Variants in FTO observed in about 807,000 individuals in gnomAD.
The protein encoded by FTO is alpha-ketoglutarate-dependent dioxygenase FTO.
In FTO, 47 loss-of-function variants were observed where a neutral mutation model predicts 63.9. That is an observed-to-expected ratio of 0.74 (90% CI 0.58 to 0.94). The LOEUF is 0.94. Among genes scored for constraint, FTO ranks in the 40% least tolerant of loss-of-function variants. FTO has a pLI of 0.00. For missense variants in FTO, 562 were observed against 618.1 expected (o/e 0.91, Z 0.96); for synonymous variants, 207 against 224.4 (o/e 0.92, Z 0.69).
At chr16:53,759,408 T>C (rs1022700077) in intron 1 of FTO, among the ~76,000 whole-genome samples, 4 of 151,962 alleles carry the variant, frequency 2.6e-5, no homozygotes, top group Admixed American at 2.6e-4. Context: ...AAAGAAATAA[T>C]ACAGGCTGGG....
At chr16:54,049,700 A>T (rs1272984686) in intron 8 of FTO, among the ~76,000 whole-genome samples, 1 of 152,178 alleles carries the variant, frequency 6.6e-6, no homozygotes, top group Non-Finnish European at 1.5e-5. Flanking sequence ...CCTCCCCTGG[A>T]GCTGCCCCTC....
At chr16:53,789,864 G>GTA (rs200847717) in intron 1 of FTO, among the ~76,000 whole-genome samples, 5 of 42,904 alleles carry the variant, frequency 1.2e-4, no homozygotes, top group East Asian at 7.0e-4. Context: ...ATAAATGTAT[G>GTA]TATATATATA....
intron 2 of FTO, among the ~76,000 whole-genome samples, chr16:53,815,206 C>T (rs1375419888): frequency 2.6e-5 from 4 of 152,058 alleles, no homozygotes; most frequent in East Asian, 1.9e-4. Flanking sequence ...TGGAGCAAAG[C>T]GTGACAGGAT....
At chr16:53,901,635 C>G (rs998839564) in intron 7 of FTO, among the ~76,000 whole-genome samples, 3 of 152,136 alleles carry the variant, frequency 2.0e-5, no homozygotes, top group Admixed American at 2.0e-4. Flanking sequence ...TGCCATTGCA[C>G]TTCAGCTTGT....
At position 53,879,914 on chromosome 16, in the gene FTO, T is replaced by C. The variant is rs976522662; in HGVS notation, c.1046T>C (p.Val349Ala). 6.2e-7 allele frequency: 1 copy of C among 1,613,992 alleles called. No individual in the cohort carries two copies. The highest frequency in any genetic ancestry group is 8.5e-7 in the Non-Finnish European group (1 of 1,179,884). ...QLALQNVCDDVDNDDVSLKSF... is the reference protein window; with the variant it reads ...QLALQNVCDDADNDDVSLKSF... Reference sequence around the variant, plus strand: ...GCTCTGCAGAATGTCTGTGACGATGTGGACAATGATGATGTCTCTTTGAAA... The same window carrying C: ...GCTCTGCAGAATGTCTGTGACGATGCGGACAATGATGATGTCTCTTTGAAA... Residue 349 changes from valine to alanine, a missense_variant, in exon 6 of 9, where the codon GTG becomes GCG. Physicochemically the swap from Val to Ala is moderately conservative, Grantham distance 64. Coordinates refer to ENST00000471389, the MANE Select transcript of FTO (RefSeq NM_001080432.3).
chr16:53,825,712 G>A (rs920864788), intron 2 of FTO, 152 bp from the exon 3 acceptor site: 1 of 807,980 alleles, frequency 1.2e-6, no homozygotes, highest in Non-Finnish European at 2.0e-6. Flanking sequence ...TTGGTTTTCT[G>A]TTTTGGGCTA....
chr16:53,848,265 C>T (rs1175382545), intron 4 of FTO, among the ~76,000 whole-genome samples: 3 of 152,162 alleles, frequency 2.0e-5, no homozygotes, highest in Non-Finnish European at 4.4e-5. Flanking sequence ...ATCTGAACTT[C>T]ATAGCACTTA....
Position 53,789,421 on chromosome 16 carries a change from C to T in FTO, c.46-20719C>T, listed in dbSNP as rs144266935. ...CATTCTCAGCCTAGAAAAACTTGACCGTTCTCTTGGAATTTGGTGAAAGTT... is the reference window on the plus strand; with the variant it reads ...CATTCTCAGCCTAGAAAAACTTGACTGTTCTCTTGGAATTTGGTGAAAGTT... On this transcript the variant is annotated intron_variant, in intron 1 of 8. Coordinates refer to ENST00000471389, the MANE Select transcript of FTO (RefSeq NM_001080432.3). 1.2e-3 allele frequency among the ~76,000 whole-genome samples: 176 copies of T among 152,194 alleles called. 2 individuals carry two copies. Among genetic ancestry groups the T allele is most frequent in the Middle Eastern group, 0.01 (3 of 294 alleles).
At position 53,996,198 on chromosome 16, in the gene FTO, C is replaced by G. The variant is rs1172996781; in HGVS notation, c.1364+62089C>G. ...AGACTTCTGGTTCAATAAGAAGCAC[C>G]CCGATGGTTTCATCTTTTGACGGTT... is the stretch of plus-strand genomic sequence containing the variant. On this transcript the variant is annotated intron_variant, in intron 8 of 8. Transcript: ENST00000471389. Among the ~76,000 whole-genome samples the G allele has an allele frequency of 2.0e-5, 3 of 152,278 alleles. No individual in the cohort carries two copies. In the East Asian group the frequency reaches 5.8e-4, roughly 29 times the overall value.
intron 8 of FTO, among the ~76,000 whole-genome samples, chr16:54,104,496 A>G (rs1221473330): frequency 6.6e-6 from 1 of 152,000 alleles, no homozygotes; most frequent in African/African-American, 2.4e-5. Flanking sequence ...TATTTTTAGT[A>G]GAGACAGGGT....
chr16:53,826,930 C>T (rs1049108519), intron 3 of FTO, among the ~76,000 whole-genome samples: 1 of 152,186 alleles, frequency 6.6e-6, no homozygotes, highest in African/African-American at 2.4e-5. Context: ...CATTTCCAGA[C>T]CTGCCAAAAT....
At chr16:54,009,687 G>A (rs2084293631) in intron 8 of FTO, among the ~76,000 whole-genome samples, 1 of 152,112 alleles carries the variant, frequency 6.6e-6, no homozygotes, top group Admixed American at 6.6e-5. Context: ...GCCAATAGTA[G>A]TTGCCAGCAC....
At chr16:53,977,991 G>A (rs2083465186) in intron 8 of FTO, among the ~76,000 whole-genome samples, 1 of 152,082 alleles carries the variant, frequency 6.6e-6, no homozygotes, top group African/African-American at 2.4e-5. Flanking sequence ...CAGGTAGCAA[G>A]TACTACAGGC....
rs1018940970 is a variant in FTO at position 53,958,334 on chromosome 16, T to A, written c.1364+24225T>A. Among the ~76,000 whole-genome samples, 76 of 151,882 alleles carry A rather than the reference T, an allele frequency of 5.0e-4. 1 individual carries two copies. The highest frequency in any genetic ancestry group is 1.7e-3 in the African/African-American group (70 of 41,350). ...AGTATAGTTTCTTATGGCAGAGGAG[T>A]GCTGAGTGATTGTGCCTCTTCCTGG... On this transcript the variant is annotated intron_variant, in intron 8 of 8. Transcript: ENST00000471389.
At chr16:54,103,365 G>T (rs1434800331) in intron 8 of FTO, among the ~76,000 whole-genome samples, 1 of 152,038 alleles carries the variant, frequency 6.6e-6, no homozygotes, top group South Asian at 2.1e-4. Context: ...AGCCAAACCC[G>T]GCTTCTCAAG....
At chr16:53,972,715 A>G (rs867788857) in intron 8 of FTO, among the ~76,000 whole-genome samples, 1 of 152,204 alleles carries the variant, frequency 6.6e-6, no homozygotes, top group Non-Finnish European at 1.5e-5. Context: ...CTACATTTCA[A>G]TCAGCTCTAC....
intron 8 of FTO, among the ~76,000 whole-genome samples, chr16:54,064,809 A>T (rs1251996340): frequency 6.6e-6 from 1 of 152,180 alleles, no homozygotes; most frequent in Non-Finnish European, 1.5e-5. Flanking sequence ...GCCCCTTGCC[A>T]TCACGGGGTG....
At chr16:54,020,792 C>T (rs1453122842) in intron 8 of FTO, among the ~76,000 whole-genome samples, 3 of 151,954 alleles carry the variant, frequency 2.0e-5, no homozygotes, top group South Asian at 2.1e-4. Flanking sequence ...GCCAACATGG[C>T]GAAACTTCAT....
chr16:53,785,003 G>A (rs951985589), intron 1 of FTO, among the ~76,000 whole-genome samples: 1 of 152,142 alleles, frequency 6.6e-6, no homozygotes, highest in African/African-American at 2.4e-5. Flanking sequence ...GTGGCAAATA[G>A]TAAGTAGCAT....
Sources: allele counts gnomAD v4.1 joint callset (sites outside exome capture counted in the v4.1 genomes callset), GRCh38; gene constraint gnomAD v4.1.1; transcripts MANE v1.5; gene names NCBI Gene and HGNC (gene_info 2026-07-23, HGNC 2026-07-21).